The following ARID3A variants were observed in gnomAD, a reference collection of about 807,000 sequenced individuals.
The protein encoded by ARID3A is AT-rich interaction domain 3A, also known as AT-rich interactive domain-containing protein 3A.
ARID3A carries 11 observed loss-of-function variants against 52.7 expected under a neutral mutation model. That is an observed-to-expected ratio of 0.21 (90% CI 0.13 to 0.35). The LOEUF is 0.35. Among genes scored for constraint, ARID3A ranks in the 10% least tolerant of loss-of-function variants. The pLI is 1.00. For missense variants in ARID3A, 721 were observed against 838.5 expected (o/e 0.86, Z 1.73); for synonymous variants, 404 against 359.4 (o/e 1.12, Z -1.40).
At chr19:967,901 C>T (rs1382073757) in intron 7 of ARID3A, among the ~76,000 whole-genome samples, 5 of 151,484 alleles carry the variant, frequency 3.3e-5, no homozygotes, top group Non-Finnish European at 7.4e-5. Context: ...AAAAATTAGC[C>T]GGGTGTGCTG....
intron 3 of ARID3A, among the ~76,000 whole-genome samples, chr19:940,758 G>T (rs1021693355): frequency 6.6e-6 from 1 of 152,166 alleles, no homozygotes; most frequent in Non-Finnish European, 1.5e-5. Context: ...CCTGGTGCCG[G>T]CGTCTTCCTG....
rs1443012691 is a variant in ARID3A, at chr19:975,151, G to T, written c.*3086G>T. ...CAGCACCCCCCCTTATGCAGACTGGGAGGGGGTCGGGCAGTCCCCTCAGCC... is the reference window on the plus strand; with the variant it reads ...CAGCACCCCCCCTTATGCAGACTGGTAGGGGGTCGGGCAGTCCCCTCAGCC... On this transcript the variant is annotated 3_prime_UTR_variant, in exon 9 of 9. Coordinates refer to ENST00000263620, the MANE Select transcript of ARID3A (RefSeq NM_005224.3). 4.3e-6 allele frequency: 1 copy of T among 231,582 alleles called. No individual in the cohort carries two copies. Among genetic ancestry groups the T allele is most frequent in the Non-Finnish European group, 8.5e-6 (1 of 117,094 alleles). The allele number at this position is 231,582 out of a possible 1,614,324, so 14.3% of individuals were successfully genotyped here. A position where few individuals can be genotyped will look rare whatever the true frequency, so the allele number is the denominator to read the frequency against.
rs766969538 is a variant in ARID3A at position 944,966 on chromosome 19, G to C, written c.693+12224G>C. 3.3e-5 allele frequency among the ~76,000 whole-genome samples: 5 copies of C among 151,822 alleles called. No individual in the cohort carries two copies. The highest frequency in any genetic ancestry group is 6.6e-5 in the Admixed American group (1 of 15,232). On this transcript the variant is annotated intron_variant, in intron 3 of 8. Coordinates refer to ENST00000263620, the MANE Select transcript of ARID3A (RefSeq NM_005224.3). This position sits in a 1 kb window ranked among gnomAD's most constrained non-coding sequence, Gnocchi z 5.9. The stretch of plus-strand genomic sequence containing the variant: ...CCCGCCCCGTCCCTTCCACCACGTC[G>C]CCCTGTAATTCTTCCCTGACGGCCA...
chr19:933,848 G>GT (rs1457530903), intron 3 of ARID3A, among the ~76,000 whole-genome samples: 1 of 141,844 alleles, frequency 7.1e-6, no homozygotes, highest in Admixed American at 7.0e-5. Context: ...GGACTCGGTG[G>GT]GGGGGGGGGG....
chr19:966,456 C>T, intron 6 of ARID3A, 116 bp from the exon 7 acceptor site: 2 of 770,808 alleles, frequency 2.6e-6, no homozygotes, highest in East Asian at 6.1e-5. Flanking sequence ...GAAACTCCGT[C>T]TCAAAAAAAA....
intron 3 of ARID3A, among the ~76,000 whole-genome samples, chr19:934,203 G>A (rs1297928918): frequency 2.6e-5 from 4 of 152,188 alleles, no homozygotes; most frequent in African/African-American, 4.8e-5. Flanking sequence ...CAAGCCGAGA[G>A]GGAGGGTCAA....
At chr19:930,733 T>C (rs1199807616) in intron 2 of ARID3A, among the ~76,000 whole-genome samples, 1 of 150,764 alleles carries the variant, frequency 6.6e-6, no homozygotes, top group Non-Finnish European at 1.5e-5. Flanking sequence ...ATGGTCTCGA[T>C]CTCCTGACCT....
chr19:964,174 G>T lies in ARID3A; in HGVS notation c.767-74G>T. 1.5e-6 allele frequency: 2 copies of T among 1,298,872 alleles called. No homozygotes were observed. The highest frequency in any genetic ancestry group is 2.2e-6 in the Non-Finnish European group (2 of 926,668). 80.5% of individuals were successfully genotyped at this position (1,298,872 alleles called of 1,614,324 possible). A position where few individuals can be genotyped will look rare whatever the true frequency, so the allele number is the denominator to read the frequency against. On this transcript the variant is annotated intron_variant, in intron 4 of 8. Coordinates refer to ENST00000263620, the MANE Select transcript of ARID3A (RefSeq NM_005224.3). This position sits in a 1 kb window ranked among gnomAD's most constrained non-coding sequence, Gnocchi z 5.7. ...CGGGGGAGTGCTCCTGGCATGGAGA[G>T]GGCGGAGGCCAGGACACTCGGCTCC...
chr19:929,793 G>C lies in ARID3A; in HGVS notation c.265G>C (p.Glu89Gln). 1 of 1,548,886 alleles carries C rather than the reference G, an allele frequency of 6.5e-7. No individual in the cohort carries two copies. Among genetic ancestry groups the C allele is most frequent in the South Asian group, 1.2e-5 (1 of 84,512 alleles). Residue 89 changes from glutamate (E) to glutamine (Q), a missense_variant, in exon 2 of 9, where the codon GAG (glutamate) becomes CAG (glutamine). Glu to Gln is a conservative substitution (Grantham distance 29). Coordinates refer to ENST00000263620, the MANE Select transcript of ARID3A (RefSeq NM_005224.3). This position sits in a 1 kb window ranked among gnomAD's most constrained non-coding sequence, Gnocchi z 6.2. ...CTCTGAGGATGGGCCCCCAGGCTCG[G>C]AGGAGGAGGACGCGGCCCGGGAGGG... ...GGSEDGPPGS[E>Q]EEDAAREGTP...
chr19:932,837 C>G, intron 3 of ARID3A, 95 bp downstream of exon 3: 1 of 1,501,128 alleles, frequency 6.7e-7, no homozygotes. Flanking sequence ...TGTGCTGAGC[C>G]GGGCGTCGAG....
chr19:958,016 G>A (rs893676594), intron 3 of ARID3A: 9 of 151,972 alleles, frequency 5.9e-5, no homozygotes, highest in Non-Finnish European at 7.4e-5. Context: ...GGAGGCTGAG[G>A]GGGGAGAATT....
At position 972,120 on chromosome 19, in the gene ARID3A, G is replaced by A; in HGVS notation, c.*55G>A. The A allele has an allele frequency of 6.8e-7, 1 of 1,461,096 alleles. No individual in the cohort carries two copies. Among genetic ancestry groups the A allele is most frequent in the East Asian group, 2.9e-5 (1 of 34,748 alleles). The allele number at this position is 1,461,096 out of a possible 1,614,324, so 90.5% of individuals were successfully genotyped here. A position where few individuals can be genotyped will look rare whatever the true frequency, so the allele number is the denominator to read the frequency against. ...TGGAGCCCGCCGGCCTGGGCAGGGG[G>A]TCCAGGTGGGCCACACAGGGGCCAG... On this transcript the variant is annotated 3_prime_UTR_variant, in exon 9 of 9. Coordinates refer to ENST00000263620, the MANE Select transcript of ARID3A (RefSeq NM_005224.3).
chr19:950,599 T>G (rs982767095), intron 3 of ARID3A, among the ~76,000 whole-genome samples: 2 of 152,166 alleles, frequency 1.3e-5, no homozygotes, highest in Non-Finnish European at 1.5e-5. Flanking sequence ...AGTTGGGCTT[T>G]CTTCTGGGAG....
rs565542220 is a variant in ARID3A at position 929,719 on chromosome 19, C to T, written c.191C>T (p.Ala64Val). ...MQRAQMAALA[A>V]MRAAAAGLGH... Reference sequence around the variant, plus strand: ...CGGGCTCAGATGGCCGCACTGGCAGCCATGCGGGCTGCAGCTGCGGGCCTG... The same window carrying T: ...CGGGCTCAGATGGCCGCACTGGCAGTCATGCGGGCTGCAGCTGCGGGCCTG... The change falls in exon 2 of 9, where the codon GCC becomes GTC. Residue 64 changes from alanine to valine, a missense_variant. Physicochemically the swap from Ala to Val is moderately conservative, Grantham distance 64. Transcript: ENST00000263620. The surrounding 1 kb of genome is among the most constrained non-coding windows in gnomAD (Gnocchi z 6.2). 2.6e-6 allele frequency: 4 copies of T among 1,563,642 alleles called. No homozygotes were observed. The highest frequency in any genetic ancestry group is 8.6e-7 in the Non-Finnish European group (1 of 1,162,802).
intron 3 of ARID3A, among the ~76,000 whole-genome samples, chr19:939,690 C>G (rs953749665): frequency 4.6e-5 from 7 of 152,112 alleles, no homozygotes; most frequent in South Asian, 2.1e-4. Context: ...TTGGGATGTT[C>G]CGAGCCACCT....
chr19:939,349 C>T (rs1417684396), intron 3 of ARID3A, among the ~76,000 whole-genome samples: 3 of 152,122 alleles, frequency 2.0e-5, no homozygotes, highest in Admixed American at 6.6e-5. Flanking sequence ...GTATTCCTGA[C>T]CTCGTGATCT....
Position 966,687 on chromosome 19 carries a change from TGTGGCC to T in ARID3A, c.1316_1321del (p.Val439_Ala440del), listed in dbSNP as rs1568373366. ...TGCAAGCAGCAGCCGCCCAAGCAGC[TGTGGCC>T]GCACAGGCAGCTGCCCTGGAACAGC... On this transcript the variant is annotated inframe_deletion, in exon 7 of 9. Coordinates refer to ENST00000263620, the MANE Select transcript of ARID3A (RefSeq NM_005224.3). 45 of 1,611,324 alleles carry T rather than the reference TGTGGCC, an allele frequency of 2.8e-5. No homozygotes were observed. The highest frequency in any genetic ancestry group is 4.5e-5 in the East Asian group (2 of 44,820).
At chr19:927,019 CCCCCTCCCCAGCTTTCTGCCCCG>C (rs1306397073) in intron 1 of ARID3A, among the ~76,000 whole-genome samples, 1 of 151,876 alleles carries the variant, frequency 6.6e-6, no homozygotes, top group Non-Finnish European at 1.5e-5. Flanking sequence ...ACTTTCTTAG[CCCCCTCCCCAGCTTTCTGCCCCG>C]CCCCTCCCCC....
intron 3 of ARID3A, among the ~76,000 whole-genome samples, chr19:937,506 T>G (rs566582816): frequency 6.6e-6 from 1 of 152,140 alleles, no homozygotes; most frequent in African/African-American, 2.4e-5. Context: ...GCTGTACACG[T>G]TTTTATGTGG....
Sources: allele counts gnomAD v4.1 joint callset (sites outside exome capture counted in the v4.1 genomes callset), GRCh38; gene constraint gnomAD v4.1.1; non-coding constraint Gnocchi (gnomAD v3.1); transcripts MANE v1.5; gene names NCBI Gene and HGNC (gene_info 2026-07-23, HGNC 2026-07-21).